Variants in ITGA11 observed in about 807,000 individuals in gnomAD.
The protein encoded by ITGA11 is integrin alpha-11.
In ITGA11, 97 loss-of-function variants were observed where a neutral mutation model predicts 141.9. The observed-to-expected ratio is 0.68, with a 90% CI of 0.58 to 0.81. The LOEUF (loss-of-function observed/expected upper bound fraction) is 0.81. Ranked by LOEUF, ITGA11 falls within the 30% of genes least tolerant of loss-of-function variation. The pLI, the probability that ITGA11 is intolerant of heterozygous loss-of-function variation, is 0.00. For missense variants in ITGA11, 1,387 were observed against 1,559.2 expected (o/e 0.89, Z 1.86); for synonymous variants, 658 against 624.6 (o/e 1.05, Z -0.80).
At chr15:68,406,912 A>G (rs549950975) in intron 1 of ITGA11, among the ~76,000 whole-genome samples, 72 of 152,358 alleles carry the variant, frequency 4.7e-4, no homozygotes, top group Middle Eastern at 6.8e-3. Flanking sequence ...TGAGACAGAT[A>G]CAATCACACC....
chr15:68,318,034 C>T (rs1004762363), intron 20 of ITGA11, among the ~76,000 whole-genome samples: 1 of 152,166 alleles, frequency 6.6e-6, no homozygotes, highest in Non-Finnish European at 1.5e-5. Context: ...ATCAGACTAA[C>T]ACATCTGCAT....
At chr15:68,412,346 T>A (rs1430525545) in intron 1 of ITGA11, among the ~76,000 whole-genome samples, 1 of 152,166 alleles carries the variant, frequency 6.6e-6, no homozygotes, top group African/African-American at 2.4e-5. Flanking sequence ...GGGCCTACCC[T>A]GTCAGGGAGA....
chr15:68,376,300 T>A lies in ITGA11; in HGVS notation c.165-7016A>T, dbSNP rs574881206. Among the ~76,000 whole-genome samples, 5 of 152,190 alleles carry A rather than the reference T, an allele frequency of 3.3e-5. No individual in the cohort carries two copies. In the East Asian group the frequency reaches 7.7e-4, roughly 24 times the overall value. ...CTTCTCAGCCATCATTTAGGGCTCATCTTCAAGGCCAGCTCCCCAAAGCGG... is the reference window on the plus strand; with the variant it reads ...CTTCTCAGCCATCATTTAGGGCTCAACTTCAAGGCCAGCTCCCCAAAGCGG... On this transcript the variant is annotated intron_variant, in intron 2 of 29. Transcript: ENST00000315757.
In ITGA11 at chr15:68,339,521, T is replaced by C; in HGVS notation, c.1255A>G (p.Lys419Glu). 1 of 1,613,740 alleles carries C rather than the reference T, an allele frequency of 6.2e-7. No individual in the cohort carries two copies. The highest frequency in any genetic ancestry group is 8.5e-7 in the Non-Finnish European group (1 of 1,179,784). ...TTACCCAGGTATGCACCATGGTTCT[T>C]GAGCTCCTCGGGGAACTCTTTCAGG... ...SYLKEFPEEL[K>E]NHGAYLGYTV... The change falls in exon 11 of 30, where the codon AAG becomes GAG. Residue 419 changes from lysine to glutamate, a missense_variant. By Grantham distance (56) the Lys-to-Glu change is moderately conservative. Transcript: ENST00000315757.
chr15:68,423,863 C>T (rs1211875082), intron 1 of ITGA11, among the ~76,000 whole-genome samples: 1 of 152,084 alleles, frequency 6.6e-6, no homozygotes, highest in Non-Finnish European at 1.5e-5. Flanking sequence ...GTCGGTGTCC[C>T]ATCCTGAGTC....
intron 6 of ITGA11, 101 bp downstream of exon 6, chr15:68,358,357 C>G (rs1325380292): frequency 1.3e-5 from 18 of 1,342,796 alleles, no homozygotes; most frequent in Non-Finnish European, 1.8e-5. Context: ...TTACCTACAC[C>G]TCCTTCGTGC....
At chr15:68,423,329 T>C (rs1897063468) in intron 1 of ITGA11, among the ~76,000 whole-genome samples, 1 of 151,838 alleles carries the variant, frequency 6.6e-6, no homozygotes, top group Non-Finnish European at 1.5e-5. Context: ...CAGGGGAGGT[T>C]TTCAGGAGGA....
At chr15:68,384,098 G>C (rs1468089738) in intron 2 of ITGA11, among the ~76,000 whole-genome samples, 1 of 152,068 alleles carries the variant, frequency 6.6e-6, no homozygotes, top group Non-Finnish European at 1.5e-5. Context: ...TCCGAGTTCA[G>C]CACTAAGGAC....
chr15:68,309,721 G>A (rs1456825036), intron 26 of ITGA11, among the ~76,000 whole-genome samples: 1 of 150,824 alleles, frequency 6.6e-6, no homozygotes, highest in Non-Finnish European at 1.5e-5. Flanking sequence ...AGCCCGAGTC[G>A]CTGGGACTAC....
At chr15:68,350,829 A>T (rs775699543) in intron 8 of ITGA11, 47 bp from the exon 9 acceptor site, 1 of 1,571,670 alleles carries the variant, frequency 6.4e-7, no homozygotes, top group Admixed American at 1.8e-5. Flanking sequence ...CATAGCACAG[A>T]CTTTCCCATA....
At position 68,303,811 on chromosome 15, in the gene ITGA11, G is replaced by T. The variant is rs1276160494; in HGVS notation, c.3456C>A (p.Gly1152=). The T allele has an allele frequency of 2.5e-6, 4 of 1,612,786 alleles. No individual in the cohort carries two copies. The highest frequency in any genetic ancestry group is 3.4e-6 in the Non-Finnish European group (4 of 1,179,290). Residue 1152 remains glycine, a synonymous_variant, in exon 29 of 30, where the codon GGC becomes GGA. Transcript: ENST00000315757. This position sits in a 1 kb window ranked among gnomAD's most constrained non-coding sequence, Gnocchi z 5.3. ...IWIIVGSTLG[G]LLLLALLVLA... Reference sequence around the variant, plus strand: ...GGACCAGCAGGGCCAGCAGTAGGAGGCCCCCCAGGGTGCTGCCTACAATGA... The same window carrying T: ...GGACCAGCAGGGCCAGCAGTAGGAGTCCCCCCAGGGTGCTGCCTACAATGA...
In ITGA11 at chr15:68,317,353, T is replaced by C. The variant is rs1227137695; in HGVS notation, c.2627A>G (p.Asp876Gly). 1 of 1,612,122 alleles carries C rather than the reference T, an allele frequency of 6.2e-7. No homozygotes were observed. Among genetic ancestry groups the C allele is most frequent in the Non-Finnish European group, 8.5e-7 (1 of 1,178,228 alleles). Reference sequence around the variant, plus strand: ...CTCGTTCACACACTCAATGCTACCGTCTGAGTCCTCCTGGAGGTGGGTGGC... The same window carrying C: ...CTCGTTCACACACTCAATGCTACCGCCTGAGTCCTCCTGGAGGTGGGTGGC... ...FASLIQKEDS[D>G]GSIECVNEER... Residue 876 changes from aspartate (D) to glycine (G), a missense_variant, in exon 21 of 30, where the codon GAC becomes GGC. Transcript: ENST00000315757.
At chr15:68,360,135 C>T (rs2140346302) in intron 5 of ITGA11, among the ~76,000 whole-genome samples, 1 of 152,280 alleles carries the variant, frequency 6.6e-6, no homozygotes, top group Non-Finnish European at 1.5e-5. Flanking sequence ...ACCTGACACT[C>T]CTGGCCTGGC....
At chr15:68,373,180 C>T (rs926239994) in intron 2 of ITGA11, among the ~76,000 whole-genome samples, 6 of 152,126 alleles carry the variant, frequency 3.9e-5, no homozygotes, top group African/African-American at 1.4e-4. Flanking sequence ...ATTACCCTGG[C>T]CTTTCTCACA....
At position 68,302,620 on chromosome 15, in the gene ITGA11, C is replaced by A. The variant is rs1482322997; in HGVS notation, c.*439G>T. 1.3e-5 allele frequency: 2 copies of A among 156,068 alleles called. No homozygotes were observed. The highest frequency in any genetic ancestry group is 2.8e-5 in the Non-Finnish European group (2 of 70,536). The allele number at this position is 156,068 out of a possible 1,614,324, so 9.7% of individuals were successfully genotyped here. On this transcript the variant is annotated 3_prime_UTR_variant, in exon 30 of 30. Transcript: ENST00000315757. ...TGAGAGAAAAGGGCAGAATTCAGAT[C>A]TGTTTTGTCTTGGATCCTTCTGGAA...
At position 68,296,982 on chromosome 15, in the gene ITGA11, C is replaced by G. The variant is rs1380594852; in HGVS notation, c.*6077G>C. 1 of 152,094 alleles carries G rather than the reference C, an allele frequency of 6.6e-6. No homozygotes were observed. Among genetic ancestry groups the G allele is most frequent in the Admixed American group, 6.6e-5 (1 of 15,248 alleles). 9.4% of individuals were successfully genotyped at this position (152,094 alleles called of 1,614,324 possible). A position where few individuals can be genotyped will look rare whatever the true frequency, so the allele number is the denominator to read the frequency against. On this transcript the variant is annotated 3_prime_UTR_variant, in exon 30 of 30. Coordinates refer to ENST00000315757, the MANE Select transcript of ITGA11 (RefSeq NM_001004439.2). ...TGAGACAGGGTTTCATTCTGTCACC[C>G]AGGCTGGAGTGCAGTGGTGCCATCA...
chr15:68,370,925 GC>G (rs1895570429), intron 2 of ITGA11, among the ~76,000 whole-genome samples: 1 of 152,206 alleles, frequency 6.6e-6, no homozygotes, highest in African/African-American at 2.4e-5. Context: ...TGCTCTCCCT[GC>G]CCCGGTCCAC....
At chr15:68,363,994 C>G (rs1478940223) in intron 4 of ITGA11, among the ~76,000 whole-genome samples, 1 of 152,240 alleles carries the variant, frequency 6.6e-6, no homozygotes, top group Non-Finnish European at 1.5e-5. Flanking sequence ...GACAGGGTCT[C>G]TATTCATTGC....
At chr15:68,338,318 TTG>T (rs1894439450) in intron 11 of ITGA11, among the ~76,000 whole-genome samples, 1 of 152,228 alleles carries the variant, frequency 6.6e-6, no homozygotes, top group African/African-American at 2.4e-5. Flanking sequence ...CCTACCTCAA[TTG>T]TGTTATAATT....
Sources: gnomAD v4.1 joint callset for allele counts (sites outside exome capture counted in the v4.1 genomes callset) on GRCh38, gnomAD v4.1.1 for gene constraint, Gnocchi (gnomAD v3.1) non-coding constraint, MANE v1.5 for transcripts, NCBI Gene and HGNC (gene_info 2026-07-23, HGNC 2026-07-21) for gene names.